GLIS1: variants seen among roughly 807,000 people sequenced by gnomAD.
The protein encoded by GLIS1 is zinc finger protein GLIS1.
A neutral mutation model predicts 63.8 loss-of-function variants in GLIS1; 24 were observed. The observed-to-expected ratio is 0.38, with a 90% CI of 0.27 to 0.53. The LOEUF is 0.53. Among genes scored for constraint, GLIS1 ranks in the 20% least tolerant of loss-of-function variants. The pLI, the probability that GLIS1 is intolerant of heterozygous loss-of-function variation, is 0.85. For synonymous variants in GLIS1, 450 were observed against 482.5 expected (o/e 0.93, Z 0.88); for missense variants, 1,036 against 1,074.1 (o/e 0.96, Z 0.50).
intron 2 of GLIS1, among the ~76,000 whole-genome samples, chr1:53,690,309 G>C (rs776673124): frequency 6.6e-6 from 1 of 152,230 alleles, no homozygotes; most frequent in Non-Finnish European, 1.5e-5. Context: ...CCCCATCAGC[G>C]CATGATGGGG....
chr1:53,610,703 G>A (rs1645416505), intron 2 of GLIS1, among the ~76,000 whole-genome samples: 1 of 152,178 alleles, frequency 6.6e-6, no homozygotes, highest in African/African-American at 2.4e-5. Context: ...TTAAATATGT[G>A]TCACAACGTC....
chr1:53,612,871 T>A (rs1367945926), intron 2 of GLIS1, among the ~76,000 whole-genome samples: 1 of 148,744 alleles, frequency 6.7e-6, no homozygotes, highest in African/African-American at 2.5e-5. Context: ...CAGGCTGGAG[T>A]GCAGTGGCAC....
At chr1:53,576,096 C>T (rs930074074) in intron 4 of GLIS1, among the ~76,000 whole-genome samples, 1 of 152,110 alleles carries the variant, frequency 6.6e-6, no homozygotes, top group Non-Finnish European at 1.5e-5. Flanking sequence ...CTACCCGTCC[C>T]CCTCACCAGC....
At chr1:53,629,460 G>A (rs1237494024) in intron 2 of GLIS1, among the ~76,000 whole-genome samples, 2 of 152,168 alleles carry the variant, frequency 1.3e-5, no homozygotes, top group Non-Finnish European at 2.9e-5. Context: ...GGCTCTTAAT[G>A]GTGCCCTAGA....
chr1:53,581,680 A>C (rs1645086241), intron 4 of GLIS1, among the ~76,000 whole-genome samples: 1 of 152,196 alleles, frequency 6.6e-6, no homozygotes, highest in South Asian at 2.1e-4. Context: ...ACATGGGAGC[A>C]GAGGTCAGGC....
At chr1:53,667,184 G>A (rs924709118) in intron 2 of GLIS1, among the ~76,000 whole-genome samples, 6 of 152,204 alleles carry the variant, frequency 3.9e-5, no homozygotes, top group African/African-American at 1.2e-4. Flanking sequence ...GTGCCACTCC[G>A]GAGCTTCCCC....
At chr1:53,599,395 C>G (rs1221962230) in intron 3 of GLIS1, among the ~76,000 whole-genome samples, 2 of 152,190 alleles carry the variant, frequency 1.3e-5, no homozygotes, top group African/African-American at 4.8e-5. Context: ...AGCCCCCTCA[C>G]CAGGTAATGC....
At chr1:53,585,827 T>G (rs1645129450) in intron 4 of GLIS1, among the ~76,000 whole-genome samples, 1 of 152,184 alleles carries the variant, frequency 6.6e-6, no homozygotes, top group African/African-American at 2.4e-5. Context: ...AGGGCAACAG[T>G]GCCCCTCTGC....
chr1:53,592,629 G>A (rs141046062), intron 4 of GLIS1, among the ~76,000 whole-genome samples: 312 of 152,280 alleles, frequency 2.0e-3, no homozygotes, highest in Non-Finnish European at 3.7e-3. Context: ...GCATCGCCAG[G>A]GGCTGGCCCA....
chr1:53,634,676 G>GC (rs1268824864), intron 2 of GLIS1, among the ~76,000 whole-genome samples: 3 of 152,064 alleles, frequency 2.0e-5, no homozygotes, highest in Admixed American at 2.0e-4. Context: ...CATCCTCTCG[G>GC]CCCCACCGCT....
At chr1:53,571,794 G>A (rs1301375088) in intron 4 of GLIS1, among the ~76,000 whole-genome samples, 1 of 152,026 alleles carries the variant, frequency 6.6e-6, no homozygotes, top group African/African-American at 2.4e-5. Context: ...TAGCCAGGAT[G>A]GTCTCGATCT....
At chr1:53,509,633 C>T (rs1644277275) in intron 9 of GLIS1, among the ~76,000 whole-genome samples, 1 of 152,216 alleles carries the variant, frequency 6.6e-6, no homozygotes, top group Non-Finnish European at 1.5e-5. Context: ...GTCCAGAACA[C>T]ACTCTTCCTC....
intron 2 of GLIS1, among the ~76,000 whole-genome samples, chr1:53,694,338 C>G (rs1041368517): frequency 1.3e-5 from 2 of 152,096 alleles, no homozygotes; most frequent in Admixed American, 6.5e-5. Flanking sequence ...TGTTCTCTTC[C>G]CCTCCCCATA....
At chr1:53,577,372 C>A (rs866960735) in intron 4 of GLIS1, among the ~76,000 whole-genome samples, 1 of 152,182 alleles carries the variant, frequency 6.6e-6, no homozygotes, top group African/African-American at 2.4e-5. Context: ...CCACCCCATG[C>A]ATCTAGCAGA....
At chr1:53,632,020 CTG>C in intron 2 of GLIS1, among the ~76,000 whole-genome samples, 1 of 150,328 alleles carries the variant, frequency 6.7e-6, no homozygotes. Flanking sequence ...ATGAGTGTGA[CTG>C]AGACCGGGGG....
chr1:53,705,753 T>G (rs1646572321), intron 2 of GLIS1, among the ~76,000 whole-genome samples: 1 of 152,198 alleles, frequency 6.6e-6, no homozygotes, highest in Non-Finnish European at 1.5e-5. Context: ...GAGGGGAGCC[T>G]TCCATCCCAA....
chr1:53,582,962 G>A (rs372943157), intron 4 of GLIS1, among the ~76,000 whole-genome samples: 2 of 152,188 alleles, frequency 1.3e-5, no homozygotes, highest in Admixed American at 6.5e-5. Context: ...TTTTCTGCCT[G>A]TGGCCAGACT....
At chr1:53,600,709 G>A (rs147036318) in intron 2 of GLIS1, among the ~76,000 whole-genome samples, 1 of 152,302 alleles carries the variant, frequency 6.6e-6, no homozygotes, top group African/African-American at 2.4e-5. Flanking sequence ...CTGCGCTGCT[G>A]CCCACAGGCT....
At chr1:53,721,804 A>G (rs1454105019) in intron 2 of GLIS1, among the ~76,000 whole-genome samples, 1 of 152,224 alleles carries the variant, frequency 6.6e-6, no homozygotes, top group African/African-American at 2.4e-5. Flanking sequence ...GAAAGAAAAG[A>G]CAAAAGAAAA....
Sources: gnomAD v4.1 joint callset for allele counts (sites outside exome capture counted in the v4.1 genomes callset) on GRCh38, gnomAD v4.1.1 for gene constraint, MANE v1.5 for transcripts, NCBI Gene and HGNC (gene_info 2026-07-23, HGNC 2026-07-21) for gene names.